The following PPP2R2C variants were observed in gnomAD, a reference collection of about 807,000 sequenced individuals.
The protein encoded by PPP2R2C is protein phosphatase 2 regulatory subunit Bgamma, also known as protein phosphatase 2, regulatory subunit B, gamma.
A neutral mutation model predicts 45.3 loss-of-function variants in PPP2R2C; 10 were observed. The observed-to-expected ratio is 0.22, with a 90% CI of 0.14 to 0.37. PPP2R2C has a LOEUF of 0.37. PPP2R2C is among the 10% of genes least tolerant of loss of function. The pLI is 1.00. For missense variants in PPP2R2C, 308 were observed against 619.7 expected (o/e 0.50, Z 5.34); for synonymous variants, 257 against 245.4 (o/e 1.05, Z -0.44).
chr4:6,382,412 T>C (rs1271635751), intron 1 of PPP2R2C: 8 of 1,351,722 alleles, frequency 5.9e-6, no homozygotes, highest in Non-Finnish European at 6.9e-6. Context: ...CAGGGTTCCC[T>C]GTCCCAGCCT....
chr4:6,527,164 C>T (rs7655230), intron 2 of PPP2R2C, among the ~76,000 whole-genome samples: 148,183 of 152,242 alleles, frequency 0.97, 72,248 homozygotes, highest in East Asian at 1. Context: ...TATTTCCATT[C>T]CTGCCTAGAA....
At chr4:6,424,589 C>G (rs1577172443) in intron 1 of PPP2R2C, among the ~76,000 whole-genome samples, 1 of 152,184 alleles carries the variant, frequency 6.6e-6, no homozygotes, top group Non-Finnish European at 1.5e-5. Flanking sequence ...CAGGCAGTGT[C>G]GATACATTGA....
intron 1 of PPP2R2C, among the ~76,000 whole-genome samples, chr4:6,426,132 G>A (rs954669313): frequency 5.9e-5 from 9 of 152,178 alleles, no homozygotes; most frequent in South Asian, 2.1e-4. Flanking sequence ...AGCAGGCTCC[G>A]CCCTGGGACC....
At chr4:6,383,709 G>T in intron 1 of PPP2R2C, 1 of 703,706 alleles carries the variant, frequency 1.4e-6, no homozygotes, top group Non-Finnish European at 1.9e-6. Flanking sequence ...TTTCTGTAAA[G>T]GCTTTTATCA....
Position 6,347,991 on chromosome 4 carries a change from C to T in PPP2R2C, c.645G>A (p.Pro215=), listed in dbSNP as rs1278611264. 25 of 1,613,738 alleles carry T rather than the reference C, an allele frequency of 1.5e-5. No individual in the cohort carries two copies. Among genetic ancestry groups the T allele is most frequent in the African/African-American group, 6.7e-5 (5 of 74,862 alleles). Residue 215 remains proline, a synonymous_variant, in exon 6 of 9, where the codon CCG becomes CCA. Coordinates refer to ENST00000382599, the MANE Select transcript of PPP2R2C (RefSeq NM_020416.4). ...DRSFNIVDIK[P]ANMEDLTEVI... is the part of the protein sequence containing the mutation. ...CCTCCGTAAGGTCCTCCATGTTGGC[C>T]GGCTTGATGTCCACGATGTCTGGGG...
At chr4:6,453,049 G>A (rs1720823791) in intron 1 of PPP2R2C, among the ~76,000 whole-genome samples, 1 of 152,224 alleles carries the variant, frequency 6.6e-6, no homozygotes, top group South Asian at 2.1e-4. Flanking sequence ...CAGGATGGAT[G>A]CGTGTGGCTC....
chr4:6,329,754 C>T lies in PPP2R2C; in HGVS notation c.961-401G>A, dbSNP rs921815087. Among the ~76,000 whole-genome samples the T allele has an allele frequency of 6.6e-6, 1 of 152,164 alleles. No homozygotes were observed. The highest frequency in any genetic ancestry group is 1.5e-5 in the Non-Finnish European group (1 of 68,036). ...CGGGAGTAGCACCAGGGAGCAGAGTCCACTGTGACAAACAGAACGCTCACA... is the reference window on the plus strand; with the variant it reads ...CGGGAGTAGCACCAGGGAGCAGAGTTCACTGTGACAAACAGAACGCTCACA... On this transcript the variant is annotated intron_variant, in intron 7 of 8. Transcript: ENST00000382599. This position sits in a 1 kb window ranked among gnomAD's most constrained non-coding sequence, Gnocchi z 5.8.
At chr4:6,383,181 C>T (rs1046571877) in intron 1 of PPP2R2C, 83 of 1,184,538 alleles carry the variant, frequency 7.0e-5, no homozygotes, top group Non-Finnish European at 7.8e-5. Flanking sequence ...GCAGGACCTG[C>T]GCAGGCTGGC....
intron 1 of PPP2R2C, among the ~76,000 whole-genome samples, chr4:6,451,288 G>A (rs1207603786): frequency 2.0e-5 from 3 of 152,228 alleles, no homozygotes; most frequent in African/African-American, 7.2e-5. Flanking sequence ...GCCACTGTGC[G>A]ACCCTGCCAA....
chr4:6,507,579 AC>A (rs1244885420), intron 2 of PPP2R2C, among the ~76,000 whole-genome samples: 1 of 152,226 alleles, frequency 6.6e-6, no homozygotes, highest in Non-Finnish European at 1.5e-5. Context: ...ACCTTGGATG[AC>A]CCAGGCCCAG....
intron 1 of PPP2R2C, among the ~76,000 whole-genome samples, chr4:6,407,330 A>G (rs961238844): frequency 6.6e-6 from 1 of 152,242 alleles, no homozygotes; most frequent in Non-Finnish European, 1.5e-5. Flanking sequence ...GTCAGGATGA[A>G]TGGACTAATC....
intron 1 of PPP2R2C, among the ~76,000 whole-genome samples, chr4:6,452,783 G>C (rs2108748045): frequency 6.6e-6 from 1 of 152,352 alleles, no homozygotes; most frequent in East Asian, 1.9e-4. Context: ...CCTACCCTGA[G>C]TGTTCCCAAG....
At chr4:6,552,981 T>C (rs199576623) in intron 1 of PPP2R2C, among the ~76,000 whole-genome samples, 2 of 152,130 alleles carry the variant, frequency 1.3e-5, no homozygotes, top group African/African-American at 4.8e-5. Context: ...TCACCCCAGA[T>C]AGTTCAACAG....
chr4:6,335,396 G>C (rs1237375674), intron 6 of PPP2R2C, among the ~76,000 whole-genome samples: 2 of 152,204 alleles, frequency 1.3e-5, no homozygotes, highest in Non-Finnish European at 2.9e-5. Context: ...GGGTGTGCTG[G>C]GCAGAAGGGA....
chr4:6,339,701 C>T (rs1310882910), intron 6 of PPP2R2C, among the ~76,000 whole-genome samples: 1 of 152,116 alleles, frequency 6.6e-6, no homozygotes, highest in Non-Finnish European at 1.5e-5. Flanking sequence ...GAGGGACCTG[C>T]AGGTGGGTGG....
chr4:6,523,908 T>A (rs1322517373), intron 2 of PPP2R2C, among the ~76,000 whole-genome samples: 4 of 151,742 alleles, frequency 2.6e-5, no homozygotes, highest in Non-Finnish European at 2.9e-5. Context: ...TGAAGTTTTG[T>A]TTTTGTTTTT....
chr4:6,523,894 G>A (rs140026559), intron 2 of PPP2R2C, among the ~76,000 whole-genome samples: 35 of 152,244 alleles, frequency 2.3e-4, no homozygotes, highest in African/African-American at 8.4e-4. Context: ...GCCCGGAGAA[G>A]GAATGAAGTT....
intron 1 of PPP2R2C, among the ~76,000 whole-genome samples, chr4:6,546,387 T>C (rs536363464): frequency 1.3e-5 from 2 of 152,334 alleles, no homozygotes; most frequent in South Asian, 2.1e-4. Context: ...ATAGGAATAA[T>C]AGTATCTTGA....
chr4:6,562,162 G>C (rs1440996082), intron 1 of PPP2R2C, among the ~76,000 whole-genome samples: 1 of 152,202 alleles, frequency 6.6e-6, no homozygotes, highest in Non-Finnish European at 1.5e-5. Context: ...GGCGTGGTCA[G>C]AGTGCGGGGG....
Sources: allele counts gnomAD v4.1 joint callset (sites outside exome capture counted in the v4.1 genomes callset), GRCh38; gene constraint gnomAD v4.1.1; non-coding constraint Gnocchi (gnomAD v3.1); transcripts MANE v1.5; gene names NCBI Gene and HGNC (gene_info 2026-07-23, HGNC 2026-07-21).